F13A1: variants seen among roughly 807,000 people sequenced by gnomAD.
F13A1 encodes coagulation factor XIII A chain, also known as FSF, A subunit.
Under a neutral mutation model 80.1 loss-of-function variants are expected in F13A1, and 47 were observed. The observed-to-expected ratio is 0.59, with a 90% CI of 0.46 to 0.75. The LOEUF (loss-of-function observed/expected upper bound fraction) is 0.75, where lower values mean the gene tolerates loss of function less well. Ranked by LOEUF, F13A1 falls within the 30% of genes least tolerant of loss-of-function variation. The pLI is 0.00. For synonymous variants in F13A1, 349 were observed against 344.9 expected (o/e 1.01, Z -0.13); for missense variants, 817 against 930.4 (o/e 0.88, Z 1.59).
intron 14 of F13A1, 43 bp from the exon 15 acceptor site, chr6:6,145,815 T>A: frequency 6.2e-7 from 1 of 1,613,800 alleles, no homozygotes; most frequent in Non-Finnish European, 8.5e-7. Context: ...AGATCCAGCT[T>A]TCCACTTTGA....
intron 3 of F13A1, among the ~76,000 whole-genome samples, chr6:6,269,850 A>T (rs1173049759): frequency 5.3e-5 from 8 of 151,880 alleles, no homozygotes; most frequent in Non-Finnish European, 7.4e-5. Context: ...AGTAGCTGGG[A>T]TTACAGGCGC....
intron 3 of F13A1, among the ~76,000 whole-genome samples, chr6:6,282,263 C>T (rs763786280): frequency 6.6e-6 from 1 of 152,096 alleles, no homozygotes; most frequent in Non-Finnish European, 1.5e-5. Context: ...GCAGGGAAAA[C>T]TCAAAACGGG....
intron 3 of F13A1, among the ~76,000 whole-genome samples, chr6:6,284,161 TG>T (rs1348052100): frequency 6.6e-6 from 1 of 152,244 alleles, no homozygotes; most frequent in Admixed American, 6.5e-5. Context: ...CCTGAAATTT[TG>T]TCTTGATGGC....
At chr6:6,223,096 G>T (rs1010139184) in intron 7 of F13A1, among the ~76,000 whole-genome samples, 2 of 152,108 alleles carry the variant, frequency 1.3e-5, no homozygotes, top group Non-Finnish European at 2.9e-5. Flanking sequence ...GACACGACTT[G>T]GTCAAGACTC....
rs918505096 is a variant in F13A1, at chr6:6,298,054, C to G, written c.319+7297G>C. Among the ~76,000 whole-genome samples the G allele has an allele frequency of 1.9e-3, 294 of 150,888 alleles. 6 individuals are homozygous for G. Among genetic ancestry groups the G allele is most frequent in the African/African-American group, 7.0e-3 (281 of 40,416 alleles). On this transcript the variant is annotated intron_variant, in intron 3 of 14. Coordinates refer to ENST00000264870, the MANE Select transcript of F13A1 (RefSeq NM_000129.4). ...TTGTTCAGTTTCCATGTAGTTGAGC[C>G]GTTTTGAGTGAGATTCTTAATCCTG...
At chr6:6,206,261 G>T (rs755849088) in intron 8 of F13A1, 3 of 314,160 alleles carry the variant, frequency 9.5e-6, no homozygotes, top group Non-Finnish European at 1.9e-5. Context: ...TTACCAAAAG[G>T]AATTACATTA....
intron 9 of F13A1, among the ~76,000 whole-genome samples, chr6:6,196,255 G>A (rs1160617122): frequency 6.6e-6 from 1 of 152,132 alleles, no homozygotes; most frequent in Non-Finnish European, 1.5e-5. Flanking sequence ...GTTGCTGTTT[G>A]TTTTGCTTTT....
At chr6:6,201,097 C>A (rs1304461609) in intron 8 of F13A1, among the ~76,000 whole-genome samples, 1 of 152,158 alleles carries the variant, frequency 6.6e-6, no homozygotes, top group Non-Finnish European at 1.5e-5. Flanking sequence ...CACTGCTACA[C>A]CATCACCCTA....
At chr6:6,224,034 A>G (rs3024404) in intron 7 of F13A1, among the ~76,000 whole-genome samples, 4,184 of 152,298 alleles carry the variant, frequency 0.027, 174 homozygotes, top group African/African-American at 0.093. Flanking sequence ...AAAATGATGC[A>G]TGACACTGAA....
At chr6:6,248,835 G>A (rs1467775014) in intron 5 of F13A1, among the ~76,000 whole-genome samples, 2 of 152,150 alleles carry the variant, frequency 1.3e-5, no homozygotes, top group African/African-American at 2.4e-5. Flanking sequence ...CGTGCATTTA[G>A]AAAATAAAGA....
intron 6 of F13A1, among the ~76,000 whole-genome samples, chr6:6,229,316 A>G (rs1176424511): frequency 1.3e-5 from 2 of 152,208 alleles, no homozygotes; most frequent in African/African-American, 4.8e-5. Context: ...TTAGGAGATC[A>G]CAGACCAAGG....
At chr6:6,196,394 T>G (rs1350861667) in intron 9 of F13A1, among the ~76,000 whole-genome samples, 1 of 152,254 alleles carries the variant, frequency 6.6e-6, no homozygotes, top group Non-Finnish European at 1.5e-5. Flanking sequence ...TCTTCTAAAA[T>G]GCTTTAAATT....
chr6:6,151,722 G>C (rs1340841395), intron 14 of F13A1, 91 bp downstream of exon 14: 1 of 1,555,632 alleles, frequency 6.4e-7, no homozygotes, highest in Non-Finnish European at 8.9e-7. Context: ...ATTTTCACTG[G>C]GGAGCAGATC....
At chr6:6,265,362 C>T (rs527847776) in intron 4 of F13A1, among the ~76,000 whole-genome samples, 1 of 152,118 alleles carries the variant, frequency 6.6e-6, no homozygotes, top group Non-Finnish European at 1.5e-5. Context: ...TCTTTCACTG[C>T]CTTATTTCCT....
At chr6:6,267,242 A>C (rs150249307) in intron 3 of F13A1, among the ~76,000 whole-genome samples, 1 of 152,348 alleles carries the variant, frequency 6.6e-6, no homozygotes, top group East Asian at 1.9e-4. Flanking sequence ...CCACTGAGAA[A>C]GATTAGAACT....
chr6:6,291,390 C>T (rs1000454220), intron 3 of F13A1, among the ~76,000 whole-genome samples: 1 of 152,136 alleles, frequency 6.6e-6, no homozygotes, highest in Non-Finnish European at 1.5e-5. Flanking sequence ...AACACCCCTC[C>T]TCTCACCCAC....
chr6:6,180,729 G>T (rs1760965804), intron 11 of F13A1, among the ~76,000 whole-genome samples: 1 of 152,180 alleles, frequency 6.6e-6, no homozygotes, highest in Non-Finnish European at 1.5e-5. Flanking sequence ...AAAATACAGT[G>T]AAAATTCACT....
At position 6,205,290 on chromosome 6, in the gene F13A1, C is replaced by T. The variant is rs138717011; in HGVS notation, c.1113-7964G>A. ...CTTGGACAGGTGCTGTAGCTTCCACCATTAAACTATGAGGTGTATGTGTAG... is the reference window on the plus strand; with the variant it reads ...CTTGGACAGGTGCTGTAGCTTCCACTATTAAACTATGAGGTGTATGTGTAG... On this transcript the variant is annotated intron_variant, in intron 8 of 14. Transcript: ENST00000264870. Among the ~76,000 whole-genome samples, 611 of 152,288 alleles carry T rather than the reference C, an allele frequency of 4.0e-3. 2 individuals are homozygous for T. Among genetic ancestry groups the T allele is most frequent in the African/African-American group, 0.013 (549 of 41,550 alleles).
intron 6 of F13A1, among the ~76,000 whole-genome samples, chr6:6,235,436 A>C (rs894157780): frequency 6.6e-6 from 1 of 152,072 alleles, no homozygotes; most frequent in Admixed American, 6.6e-5. Flanking sequence ...CTTGAAACTC[A>C]ATAGTAAGAA....
Sources: allele counts gnomAD v4.1 joint callset (sites outside exome capture counted in the v4.1 genomes callset), GRCh38; gene constraint gnomAD v4.1.1; transcripts MANE v1.5; gene names NCBI Gene and HGNC (gene_info 2026-07-23, HGNC 2026-07-21).